SEPTIN9: variants seen among roughly 807,000 people sequenced by gnomAD.
The protein encoded by SEPTIN9 is septin 9.
SEPTIN9 carries 13 observed loss-of-function variants against 56.6 expected under a neutral mutation model. That is an observed-to-expected ratio of 0.23 (90% CI 0.15 to 0.37). The LOEUF (loss-of-function observed/expected upper bound fraction) is 0.37. Among genes scored for constraint, SEPTIN9 ranks in the 10% least tolerant of loss-of-function variants. The pLI is 1.00. For missense variants in SEPTIN9, 650 were observed against 823.1 expected, an observed-to-expected ratio of 0.79 and a Z score of 2.57; for synonymous variants, 332 against 334.1, an observed-to-expected ratio of 0.99 and a Z score of 0.07.
chr17:77,360,764 C>T (rs1007537478), intron 2 of SEPTIN9, among the ~76,000 whole-genome samples: 4 of 152,196 alleles, frequency 2.6e-5, no homozygotes, highest in Admixed American at 6.5e-5. Context: ...CGGGGTTTCA[C>T]CGTGTTAGCC....
chr17:77,476,138 T>A lies in SEPTIN9; in HGVS notation c.722-6006T>A, dbSNP rs180719942. Among the ~76,000 whole-genome samples, 150 of 152,222 alleles carry A rather than the reference T, an allele frequency of 9.9e-4. No homozygotes were observed. The highest frequency in any genetic ancestry group is 3.3e-3 in the Admixed American group (50 of 15,304). On this transcript the variant is annotated intron_variant, in intron 3 of 11. Transcript: ENST00000427177. This position sits in a 1 kb window ranked among gnomAD's most constrained non-coding sequence, Gnocchi z 6.0. Reference sequence around the variant, plus strand: ...AGGCTGATGGGACTTGTGTGGACATTTCTGGGACGTAGACCAGGCAGCATG... The same window carrying A: ...AGGCTGATGGGACTTGTGTGGACATATCTGGGACGTAGACCAGGCAGCATG...
chr17:77,384,146 AGGCTGGCTGGG>A (rs531091830), intron 2 of SEPTIN9, among the ~76,000 whole-genome samples: 114 of 151,020 alleles, frequency 7.5e-4, no homozygotes, highest in Middle Eastern at 6.8e-3. Flanking sequence ...GGCTGGCGGG[AGGCTGGCTGGG>A]GGCTGGCTGG....
rs761443600 is a variant in SEPTIN9 at position 77,405,427 on chromosome 17, C to T, written c.721+2724C>T. On this transcript the variant is annotated intron_variant, in intron 3 of 11. Transcript: ENST00000427177. The surrounding 1 kb of genome is among the most constrained non-coding windows in gnomAD (Gnocchi z 5.8). ...TCAGAGCTGCCAGGAACCTGGCGCTCTGGGGGGACGGTGGCTTTCTCCATG... is the reference window on the plus strand; with the variant it reads ...TCAGAGCTGCCAGGAACCTGGCGCTTTGGGGGGACGGTGGCTTTCTCCATG... 6.6e-6 allele frequency among the ~76,000 whole-genome samples: 1 copy of T among 152,174 alleles called. No homozygotes were observed. The highest frequency in any genetic ancestry group is 1.5e-5 in the Non-Finnish European group (1 of 68,030).
intron 2 of SEPTIN9, among the ~76,000 whole-genome samples, chr17:77,383,357 T>C (rs388090): frequency 0.26 from 39,364 of 151,864 alleles, 5,503 homozygotes; most frequent in East Asian, 0.49. Context: ...TGGTACTTTG[T>C]ATACAAGGTG....
intron 8 of SEPTIN9, among the ~76,000 whole-genome samples, chr17:77,491,911 A>G (rs373581041): frequency 7.9e-5 from 12 of 151,486 alleles, no homozygotes; most frequent in African/African-American, 2.9e-4. Flanking sequence ...GCATCCAAGC[A>G]AGAGGGCAGC....
At chr17:77,374,789 T>C (rs1179574092) in intron 2 of SEPTIN9, 1 of 152,334 alleles carries the variant, frequency 6.6e-6, no homozygotes, top group Non-Finnish European at 1.5e-5. Context: ...GAACTTTGGC[T>C]GGACGCCAAG....
At position 77,343,003 on chromosome 17, in the gene SEPTIN9, G is replaced by GTCTGTCTGTCTGTCTATCTA. The variant is rs71160228; in HGVS notation, c.76+35809_76+35810insGTCTGTCTGTCTATCTATCT. 8.5e-3 allele frequency among the ~76,000 whole-genome samples: 1,247 copies of GTCTGTCTGTCTGTCTATCTA among 147,220 alleles called. 11 individuals are homozygous for GTCTGTCTGTCTGTCTATCTA. The highest frequency in any genetic ancestry group is 0.03 in the African/African-American group (1,183 of 39,078). Reference sequence around the variant, plus strand: ...AATCAATGTATCTGTCTGTCTGTCTGTCTATCTATCTATCTATCTATCTAT... The same window carrying GTCTGTCTGTCTGTCTATCTA: ...AATCAATGTATCTGTCTGTCTGTCTGTCTGTCTGTCTGTCTATCTATCTATCTATCTATCTATCTATCTAT... On this transcript the variant is annotated intron_variant, in intron 2 of 11. Coordinates refer to ENST00000427177, the MANE Select transcript of SEPTIN9 (RefSeq NM_001113491.2).
At chr17:77,388,689 A>G (rs2035423681) in intron 2 of SEPTIN9, among the ~76,000 whole-genome samples, 1 of 151,932 alleles carries the variant, frequency 6.6e-6, no homozygotes, top group Non-Finnish European at 1.5e-5. Flanking sequence ...CCCTGTAATT[A>G]GGCTGCAGCT....
intron 2 of SEPTIN9, among the ~76,000 whole-genome samples, chr17:77,383,387 G>A (rs2143983365): frequency 6.6e-6 from 1 of 152,256 alleles, no homozygotes; most frequent in African/African-American, 2.4e-5. Context: ...CCCCACGAGA[G>A]CCCAACAAGG....
At chr17:77,375,221 C>G (rs1369103125) in intron 2 of SEPTIN9, 2 of 152,402 alleles carry the variant, frequency 1.3e-5, no homozygotes, top group Non-Finnish European at 2.9e-5. Flanking sequence ...CTTCCTTGTC[C>G]CAAATGTCCA....
intron 2 of SEPTIN9, among the ~76,000 whole-genome samples, chr17:77,353,982 C>CT (rs1354934868): frequency 1.3e-5 from 2 of 152,116 alleles, no homozygotes; most frequent in Non-Finnish European, 2.9e-5. Context: ...GGCTGAAAGA[C>CT]TCCCCACAAG....
At chr17:77,447,585 G>A (rs984695060) in intron 3 of SEPTIN9, among the ~76,000 whole-genome samples, 1 of 152,248 alleles carries the variant, frequency 6.6e-6, no homozygotes, top group Admixed American at 6.5e-5. Context: ...CTTTGGAATC[G>A]TCTAAGAGAT....
chr17:77,415,929 T>G (rs550005847), intron 3 of SEPTIN9, among the ~76,000 whole-genome samples: 38 of 152,358 alleles, frequency 2.5e-4, no homozygotes, highest in African/African-American at 8.7e-4. Context: ...GTCAGGCACT[T>G]GTCAGGAGCA....
chr17:77,467,674 G>T (rs1237527310), intron 3 of SEPTIN9, among the ~76,000 whole-genome samples: 1 of 152,238 alleles, frequency 6.6e-6, no homozygotes, highest in Non-Finnish European at 1.5e-5. Flanking sequence ...CGGAAATCAT[G>T]AGTCTCATTC....
chr17:77,440,239 C>T (rs546727792), intron 3 of SEPTIN9, among the ~76,000 whole-genome samples: 1 of 152,240 alleles, frequency 6.6e-6, no homozygotes, highest in East Asian at 1.9e-4. Context: ...ACTGCAACCT[C>T]CACCTCTCGG....
chr17:77,284,273 A>G (rs2031171860), intron 1 of SEPTIN9, among the ~76,000 whole-genome samples: 1 of 152,210 alleles, frequency 6.6e-6, no homozygotes, highest in Admixed American at 6.5e-5. Flanking sequence ...ACGGCACTCC[A>G]GCCTGGGTGG....
At position 77,434,419 on chromosome 17, in the gene SEPTIN9, C is replaced by T. The variant is rs909664890; in HGVS notation, c.721+31716C>T. Among the ~76,000 whole-genome samples, 2 of 152,204 alleles carry T rather than the reference C, an allele frequency of 1.3e-5. No homozygotes were observed. The highest frequency in any genetic ancestry group is 4.8e-5 in the African/African-American group (2 of 41,464). On this transcript the variant is annotated intron_variant, in intron 3 of 11. Coordinates refer to ENST00000427177, the MANE Select transcript of SEPTIN9 (RefSeq NM_001113491.2). This position sits in a 1 kb window ranked among gnomAD's most constrained non-coding sequence, Gnocchi z 5.0. Reference sequence around the variant, plus strand: ...TGCGGTGAGGTCTCCATGGCTCCCTCGTCCTGCACATCCTTCCCTTGTTGT... The same window carrying T: ...TGCGGTGAGGTCTCCATGGCTCCCTTGTCCTGCACATCCTTCCCTTGTTGT...
rs1598434320 is a variant in SEPTIN9, at chr17:77,476,510, T to C, written c.722-5634T>C. 6.6e-6 allele frequency among the ~76,000 whole-genome samples: 1 copy of C among 152,178 alleles called. No individual in the cohort carries two copies. The highest frequency in any genetic ancestry group is 1.5e-5 in the Non-Finnish European group (1 of 68,028). Reference sequence around the variant, plus strand: ...CTCAGGGCTGCGTGGATTACAGCCCTTTCATCCCTGCCTTAGACCCACCTG... The same window carrying C: ...CTCAGGGCTGCGTGGATTACAGCCCCTTCATCCCTGCCTTAGACCCACCTG... On this transcript the variant is annotated intron_variant, in intron 3 of 11. Transcript: ENST00000427177. The surrounding 1 kb of genome is among the most constrained non-coding windows in gnomAD (Gnocchi z 6.0).
intron 2 of SEPTIN9, among the ~76,000 whole-genome samples, chr17:77,339,827 G>T (rs1420892159): frequency 4.8e-5 from 7 of 145,122 alleles, no homozygotes; most frequent in African/African-American, 1.3e-4. Context: ...TTTTTTTTTT[G>T]TTGTTGTTTT....
Sources: gnomAD v4.1 joint callset for allele counts (sites outside exome capture counted in the v4.1 genomes callset) on GRCh38, gnomAD v4.1.1 for gene constraint, Gnocchi (gnomAD v3.1) non-coding constraint, MANE v1.5 for transcripts, NCBI Gene and HGNC (gene_info 2026-07-23, HGNC 2026-07-21) for gene names.